Variants in UST observed in about 807,000 individuals in gnomAD.
UST encodes uronyl 2-sulfotransferase, also known as chondroitin sulfate 2-O-sulfotransferase.
UST carries 21 observed loss-of-function variants against 45.6 expected under a neutral mutation model. The observed-to-expected ratio is 0.46, with a 90% CI of 0.33 to 0.66. The LOEUF (loss-of-function observed/expected upper bound fraction) is 0.66. Ranked by LOEUF, UST falls within the 30% of genes least tolerant of loss-of-function variation. The pLI is 0.02. For synonymous variants in UST, 215 were observed against 200.6 expected (o/e 1.07, Z -0.61); for missense variants, 463 against 512.4 (o/e 0.90, Z 0.93).
At chr6:148,959,315 A>G (rs1326019293) in intron 4 of UST, among the ~76,000 whole-genome samples, 1 of 152,232 alleles carries the variant, frequency 6.6e-6, no homozygotes, top group African/African-American at 2.4e-5. Context: ...TATTCTTCTT[A>G]GCCAAGTGAC....
intron 1 of UST, among the ~76,000 whole-genome samples, chr6:148,868,114 T>A (rs1196706926): frequency 1.3e-5 from 2 of 152,184 alleles, no homozygotes; most frequent in Non-Finnish European, 2.9e-5. Flanking sequence ...AGGCCACTCC[T>A]TAGACAAAAG....
chr6:149,031,492 T>G (rs1776140813), intron 7 of UST, among the ~76,000 whole-genome samples: 1 of 152,362 alleles, frequency 6.6e-6, no homozygotes, highest in African/African-American at 2.4e-5. Flanking sequence ...GCGTTTGGCC[T>G]ATTTCAACTA....
intron 7 of UST, chr6:149,032,407 C>T (rs1441248300): frequency 6.5e-6 from 1 of 153,220 alleles, no homozygotes; most frequent in East Asian, 1.9e-4. Flanking sequence ...CCTGCTGGCC[C>T]CATGTGCCTC....
intron 2 of UST, among the ~76,000 whole-genome samples, chr6:148,933,369 G>A (rs1779958229): frequency 6.6e-6 from 1 of 152,102 alleles, no homozygotes; most frequent in Admixed American, 6.5e-5. Flanking sequence ...GCACATAACA[G>A]ATAGACCCAG....
chr6:148,831,427 T>C (rs1330750357), intron 1 of UST, among the ~76,000 whole-genome samples: 3 of 152,224 alleles, frequency 2.0e-5, no homozygotes, highest in Non-Finnish European at 4.4e-5. Flanking sequence ...TTTTATTAAG[T>C]CTTTATTGCT....
intron 7 of UST, among the ~76,000 whole-genome samples, chr6:149,052,285 T>C (rs1776498560): frequency 6.6e-6 from 1 of 152,230 alleles, no homozygotes; most frequent in Non-Finnish European, 1.5e-5. Flanking sequence ...TTCAAGGGAA[T>C]ATATTTTGAG....
At chr6:149,064,013 G>A (rs73599942) in intron 7 of UST, among the ~76,000 whole-genome samples, 5,817 of 152,144 alleles carry the variant, frequency 0.038, 367 homozygotes, top group African/African-American at 0.13. Flanking sequence ...CAGCACATAC[G>A]GCAAATCTTC....
At chr6:148,932,389 G>A (rs1779937691) in intron 2 of UST, among the ~76,000 whole-genome samples, 1 of 152,100 alleles carries the variant, frequency 6.6e-6, no homozygotes, top group African/African-American at 2.4e-5. Flanking sequence ...CAAAAAAAAG[G>A]AAACTGTAAC....
At chr6:148,872,761 G>C (rs1390828798) in intron 1 of UST, among the ~76,000 whole-genome samples, 1 of 152,166 alleles carries the variant, frequency 6.6e-6, no homozygotes, top group Non-Finnish European at 1.5e-5. Context: ...CCTAGAAGCT[G>C]TCTGCACTCC....
chr6:148,949,700 G>C (rs1363493341), intron 3 of UST, among the ~76,000 whole-genome samples: 1 of 152,156 alleles, frequency 6.6e-6, no homozygotes, highest in African/African-American at 2.4e-5. Context: ...AAAGATGATA[G>C]CTTCATTTCA....
intron 2 of UST, among the ~76,000 whole-genome samples, chr6:148,887,827 A>G (rs1195194218): frequency 6.6e-6 from 1 of 152,178 alleles, no homozygotes; most frequent in Non-Finnish European, 1.5e-5. Flanking sequence ...TGTCACTTCA[A>G]GAATGTTCTT....
chr6:148,909,094 A>G (rs1391886954), intron 2 of UST, among the ~76,000 whole-genome samples: 2 of 151,844 alleles, frequency 1.3e-5, no homozygotes, highest in Non-Finnish European at 2.9e-5. Flanking sequence ...GTTTTGTATT[A>G]TGCTACATTT....
At chr6:149,055,558 T>C (rs1450248779) in intron 7 of UST, among the ~76,000 whole-genome samples, 1 of 152,012 alleles carries the variant, frequency 6.6e-6, no homozygotes, top group Non-Finnish European at 1.5e-5. Flanking sequence ...CCCACCTGTC[T>C]CTAATGCAGT....
intron 1 of UST, among the ~76,000 whole-genome samples, chr6:148,883,923 G>A (rs1371557025): frequency 6.6e-6 from 1 of 152,160 alleles, no homozygotes; most frequent in Non-Finnish European, 1.5e-5. Flanking sequence ...CTTGAGGTCA[G>A]GAGTTCAAGA....
chr6:148,977,774 AAAG>A (rs1318121281), intron 5 of UST, among the ~76,000 whole-genome samples: 2 of 151,244 alleles, frequency 1.3e-5, no homozygotes, highest in African/African-American at 4.9e-5. Context: ...AAAAAAAAGA[AAAG>A]AAAATCAGCT....
chr6:148,861,394 C>G (rs1336953492), intron 1 of UST, among the ~76,000 whole-genome samples: 2 of 152,000 alleles, frequency 1.3e-5, no homozygotes, highest in Admixed American at 6.6e-5. Flanking sequence ...CTCTTTTCTT[C>G]TTTATTAGTC....
At chr6:149,010,096 T>A in intron 5 of UST, among the ~76,000 whole-genome samples, 1 of 152,258 alleles carries the variant, frequency 6.6e-6, no homozygotes, top group East Asian at 1.9e-4. Flanking sequence ...ATTTTTCCTA[T>A]AGTTACATAT....
At chr6:148,812,270 G>A (rs1045392679) in intron 1 of UST, among the ~76,000 whole-genome samples, 1 of 151,970 alleles carries the variant, frequency 6.6e-6, no homozygotes, top group Non-Finnish European at 1.5e-5. Flanking sequence ...AAAAATGCTT[G>A]TAATTTTAAC....
intron 1 of UST, among the ~76,000 whole-genome samples, chr6:148,833,446 G>C (rs146751971): frequency 0.014 from 2,203 of 152,180 alleles, 29 homozygotes; most frequent in Middle Eastern, 0.031. Context: ...GAGATCGTGC[G>C]ACTGCACTCC....
Sources: gnomAD v4.1 joint callset for allele counts (sites outside exome capture counted in the v4.1 genomes callset) on GRCh38, gnomAD v4.1.1 for gene constraint, MANE v1.5 for transcripts, NCBI Gene and HGNC (gene_info 2026-07-23, HGNC 2026-07-21) for gene names.